The following GRM7 variants were observed in gnomAD, a reference collection of about 807,000 sequenced individuals.
GRM7 encodes metabotropic glutamate receptor 7.
A neutral mutation model predicts 84.5 loss-of-function variants in GRM7; 35 were observed. That is an observed-to-expected ratio of 0.41 (90% CI 0.32 to 0.55). GRM7 has a LOEUF of 0.55. Ranked by LOEUF, GRM7 falls within the 20% of genes least tolerant of loss-of-function variation. The pLI, the probability that GRM7 is intolerant of heterozygous loss-of-function variation, is 0.19. For missense variants in GRM7, 1,003 were observed against 1,194.6 expected, an observed-to-expected ratio of 0.84 and a Z score of 2.36; for synonymous variants, 487 against 455.1, an observed-to-expected ratio of 1.07 and a Z score of -0.89.
chr3:7,706,592 G>C (rs1254859044), intron 9 of GRM7, among the ~76,000 whole-genome samples: 2 of 152,184 alleles, frequency 1.3e-5, no homozygotes. Flanking sequence ...GCATGGGACA[G>C]GGTCCAAGCG....
chr3:7,286,657 G>A lies in GRM7; in HGVS notation c.737-12027G>A, dbSNP rs547161068. ...CCCCAAACATAAGGCCTTAAAAACT[G>A]GTCATGTTTTATTCAATCACTTGTG... On this transcript the variant is annotated intron_variant, in intron 2 of 9. Coordinates refer to ENST00000357716, the MANE Select transcript of GRM7 (RefSeq NM_000844.4). Among the ~76,000 whole-genome samples, 4 of 152,122 alleles carry A rather than the reference G, an allele frequency of 2.6e-5. No individual in the cohort carries two copies. The South Asian group carries it at 8.3e-4, about 32-fold the overall frequency.
chr3:6,863,515 A>G lies in GRM7; in HGVS notation c.519+1608A>G, dbSNP rs1409862590. ...CCCTCTGATCCTCTGAGCATCTCTGACACTTCCTGAGTGCCATCATGGAAA... is the reference window on the plus strand; with the variant it reads ...CCCTCTGATCCTCTGAGCATCTCTGGCACTTCCTGAGTGCCATCATGGAAA... On this transcript the variant is annotated intron_variant, in intron 1 of 9. Coordinates refer to ENST00000357716, the MANE Select transcript of GRM7 (RefSeq NM_000844.4). The surrounding 1 kb of genome is among the most constrained non-coding windows in gnomAD (Gnocchi z 4.8). Among the ~76,000 whole-genome samples the G allele has an allele frequency of 6.6e-6, 1 of 152,126 alleles. No individual in the cohort carries two copies. Among genetic ancestry groups the G allele is most frequent in the African/African-American group, 2.4e-5 (1 of 41,430 alleles).
Position 6,861,548 on chromosome 3 carries a change from C to T in GRM7, c.160C>T (p.Leu54=), listed in dbSNP as rs1192256982. ...RIEGDVTLGG[L]FPVHAKGPSG... ...CGAGGGGGACGTCACCCTCGGGGGGCTGTTCCCCGTGCACGCCAAGGGTCC... is the reference window on the plus strand; with the variant it reads ...CGAGGGGGACGTCACCCTCGGGGGGTTGTTCCCCGTGCACGCCAAGGGTCC... The change falls in exon 1 of 10, where the codon CTG becomes TTG. Residue 54 remains leucine, a synonymous_variant. Coordinates refer to ENST00000357716, the MANE Select transcript of GRM7 (RefSeq NM_000844.4). The surrounding 1 kb of genome is among the most constrained non-coding windows in gnomAD (Gnocchi z 6.4). 1 of 1,588,386 alleles carries T rather than the reference C, an allele frequency of 6.3e-7. No individual in the cohort carries two copies. The highest frequency in any genetic ancestry group is 1.1e-5 in the South Asian group (1 of 87,624).
intron 1 of GRM7, among the ~76,000 whole-genome samples, chr3:7,024,234 C>T (rs1251271106): frequency 6.6e-6 from 1 of 152,120 alleles, no homozygotes; most frequent in African/African-American, 2.4e-5. Flanking sequence ...AACAGAAAAA[C>T]TCGTTTCCTC....
At chr3:7,643,379 T>C (rs1698456909) in intron 8 of GRM7, among the ~76,000 whole-genome samples, 3 of 151,612 alleles carry the variant, frequency 2.0e-5, no homozygotes, top group Admixed American at 2.0e-4. Context: ...ACAGTGGGAC[T>C]CTGGAAAACT....
intron 1 of GRM7, among the ~76,000 whole-genome samples, chr3:6,957,083 C>A (rs895615585): frequency 6.6e-6 from 1 of 151,824 alleles, no homozygotes; most frequent in Non-Finnish European, 1.5e-5. Flanking sequence ...TATTATAGAC[C>A]CTTTCAGTGC....
At chr3:7,320,172 GTATC>G (rs1205044739) in intron 4 of GRM7, among the ~76,000 whole-genome samples, 4 of 151,960 alleles carry the variant, frequency 2.6e-5, no homozygotes, top group Non-Finnish European at 4.4e-5. Flanking sequence ...GTGTTTGTGT[GTATC>G]TATGTGCATA....
intron 1 of GRM7, among the ~76,000 whole-genome samples, chr3:7,075,445 G>T (rs995942321): frequency 1.3e-5 from 2 of 150,828 alleles, no homozygotes; most frequent in Non-Finnish European, 2.9e-5. Context: ...ACTCCACGTG[G>T]ATAAGTTCCT....
intron 5 of GRM7, among the ~76,000 whole-genome samples, chr3:7,421,100 G>A (rs550116077): frequency 7.0e-4 from 107 of 152,246 alleles, no homozygotes; most frequent in South Asian, 5.4e-3. Context: ...CATAGTAAGT[G>A]TCATGCTAAC....
At chr3:6,960,872 T>C (rs1215132048) in intron 1 of GRM7, among the ~76,000 whole-genome samples, 1 of 152,180 alleles carries the variant, frequency 6.6e-6, no homozygotes, top group African/African-American at 2.4e-5. Flanking sequence ...CAGACATTTC[T>C]GATTCAAAAA....
chr3:7,391,045 C>CT (rs898582858), intron 4 of GRM7, among the ~76,000 whole-genome samples: 13 of 147,510 alleles, frequency 8.8e-5, no homozygotes, highest in Admixed American at 1.3e-4. Context: ...ATTTTTTTTT[C>CT]TTTTTTTTTC....
Position 7,039,822 on chromosome 3 carries a change from TGAATGGGTA to T in GRM7, c.520-106624_520-106616del, listed in dbSNP as rs1402016287. 6.6e-5 allele frequency among the ~76,000 whole-genome samples: 10 copies of T among 152,186 alleles called. No individual in the cohort carries two copies. In the East Asian group the frequency reaches 1.7e-3, roughly 26 times the overall value. ...TTTTTTTGTAGCTATGTGGCTCTTG[TGAATGGGTA>T]GAATGCTTATTTCCCATTTCAATGT... On this transcript the variant is annotated intron_variant, in intron 1 of 9. Transcript: ENST00000357716.
chr3:7,396,474 C>T (rs1695216775), intron 4 of GRM7, among the ~76,000 whole-genome samples: 1 of 152,122 alleles, frequency 6.6e-6, no homozygotes, highest in Non-Finnish European at 1.5e-5. Context: ...AAGTTTTCAT[C>T]TTCTGCATCT....
intron 9 of GRM7, among the ~76,000 whole-genome samples, chr3:7,722,422 C>G (rs533006058): frequency 2.0e-5 from 3 of 149,380 alleles, no homozygotes; most frequent in Admixed American, 6.7e-5. Flanking sequence ...CAGGGTCATA[C>G]AGCTGAATGG....
At chr3:7,054,470 G>A (rs1697142178) in intron 1 of GRM7, among the ~76,000 whole-genome samples, 1 of 151,264 alleles carries the variant, frequency 6.6e-6, no homozygotes, top group Admixed American at 6.6e-5. Flanking sequence ...AGTGCACTGG[G>A]ATGCAATGTT....
intron 1 of GRM7, among the ~76,000 whole-genome samples, chr3:6,950,340 G>T (rs1222743107): frequency 6.6e-6 from 1 of 152,184 alleles, no homozygotes; most frequent in African/African-American, 2.4e-5. Context: ...CTGTTTGCCT[G>T]GGTATCAGCA....
chr3:7,345,890 G>A (rs1179619192), intron 4 of GRM7, among the ~76,000 whole-genome samples: 4 of 152,034 alleles, frequency 2.6e-5, no homozygotes, highest in East Asian at 1.9e-4. Context: ...ATGTAGTAAC[G>A]TAAGTTAGGT....
intron 1 of GRM7, among the ~76,000 whole-genome samples, chr3:7,047,171 T>G (rs937868804): frequency 1.8e-4 from 28 of 151,982 alleles, no homozygotes; most frequent in Non-Finnish European, 3.5e-4. Flanking sequence ...AATAATTCAT[T>G]GTTGTATTTT....
intron 2 of GRM7, among the ~76,000 whole-genome samples, chr3:7,166,036 A>G (rs895508426): frequency 5.3e-4 from 81 of 152,306 alleles, no homozygotes; most frequent in African/African-American, 1.8e-3. Flanking sequence ...TATTACTTAT[A>G]ATATGTTCTC....
Sources: allele counts gnomAD v4.1 joint callset (sites outside exome capture counted in the v4.1 genomes callset), GRCh38; gene constraint gnomAD v4.1.1; non-coding constraint Gnocchi (gnomAD v3.1); transcripts MANE v1.5; gene names NCBI Gene and HGNC (gene_info 2026-07-23, HGNC 2026-07-21).